Variants in PHGDH observed in about 807,000 individuals in gnomAD.
PHGDH encodes the protein phosphoglycerate dehydrogenase.
In PHGDH, 50 loss-of-function variants were observed where a neutral mutation model predicts 52.6. The observed-to-expected ratio is 0.95, with a 90% CI of 0.76 to 1.20. The LOEUF (loss-of-function observed/expected upper bound fraction) is 1.20. Ranked by LOEUF, PHGDH falls within the 50% of genes most tolerant of loss-of-function variation. The probability of loss-of-function intolerance (pLI) is 0.00; values close to 1 mark genes in which losing one functional copy is unlikely to be tolerated. For missense variants in PHGDH, 630 were observed against 684.6 expected (o/e 0.92, Z 0.89); for synonymous variants, 271 against 280.5 (o/e 0.97, Z 0.34).
chr1:119,742,485 T>C (rs1280057547), intron 10 of PHGDH: 1 of 510,876 alleles, frequency 2.0e-6, no homozygotes, highest in Non-Finnish European at 3.6e-6. Context: ...GGAGGCTGTG[T>C]CAGAGCAGGA....
intron 9 of PHGDH, 109 bp from the exon 10 acceptor site, chr1:119,741,658 C>A (rs892450356): frequency 4.9e-6 from 5 of 1,026,342 alleles, no homozygotes; most frequent in Non-Finnish European, 4.6e-6. Flanking sequence ...TTTGGGGTCC[C>A]CAGGGCAGCG....
intron 4 of PHGDH, 30 bp from the exon 5 acceptor site, chr1:119,726,974 G>A: frequency 6.2e-7 from 1 of 1,607,958 alleles, no homozygotes. Context: ...GCTGACTTCA[G>A]CTTCTTTCCT....
Position 119,737,280 on chromosome 1 carries a change from C to T in PHGDH, c.945+14C>T, listed in dbSNP as rs1571013460. 1 of 1,608,632 alleles carries T rather than the reference C, an allele frequency of 6.2e-7. No individual in the cohort carries two copies. The highest frequency in any genetic ancestry group is 8.5e-7 in the Non-Finnish European group (1 of 1,175,400). On this transcript the variant is annotated intron_variant, in intron 8 of 11. Coordinates refer to ENST00000641023, the MANE Select transcript of PHGDH (RefSeq NM_006623.4). ...CTCACGGGGGTTGTAAGTATCACCA[C>T]CTGGGGCTGGGGGCCAGGAGTCAGA... is the stretch of plus-strand genomic sequence containing the variant.
At chr1:119,739,935 T>A (rs1238990219) in intron 8 of PHGDH, 1 of 200,398 alleles carries the variant, frequency 5.0e-6, no homozygotes, top group Non-Finnish European at 1.0e-5. Context: ...TTAGTAACAA[T>A]GTAAACACTT....
At chr1:119,739,177 A>T (rs1652077092) in intron 8 of PHGDH, among the ~76,000 whole-genome samples, 2 of 152,130 alleles carry the variant, frequency 1.3e-5, no homozygotes, top group Admixed American at 1.3e-4. Flanking sequence ...AAGACTGAGA[A>T]TCCTCCTTTT....
intron 1 of PHGDH, among the ~76,000 whole-genome samples, chr1:119,714,017 A>T (rs1553234520): frequency 1.3e-5 from 2 of 152,154 alleles, no homozygotes; most frequent in Non-Finnish European, 2.9e-5. Context: ...TCTTGGCAGG[A>T]GAGGAGGAGT....
chr1:119,740,281 C>T (rs1652136756), intron 8 of PHGDH, 105 bp from the exon 9 acceptor site: 3 of 1,192,414 alleles, frequency 2.5e-6, no homozygotes, highest in Non-Finnish European at 1.2e-6. Flanking sequence ...GCAGGAGTGA[C>T]CCTATACTGT....
chr1:119,734,792 T>A (rs587652417), intron 6 of PHGDH, 26 bp downstream of exon 6: 1 of 1,613,390 alleles, frequency 6.2e-7, no homozygotes, highest in South Asian at 1.1e-5. Context: ...CATTGTGGAT[T>A]GGTCACAGAA....
rs746322948 is a variant in PHGDH at position 119,734,755 on chromosome 1, C to T, written c.632C>T (p.Pro211Leu). ...DFITVHTPLL[P>L]STTGLLNDNT... ...ATCACTGTGCACACTCCTCTCCTGC[C>T]CTCCACGACAGGTAGGTGTGTCCTT... The change falls in exon 6 of 12, where the codon CCC (proline) becomes CTC (leucine). Residue 211 changes from proline to leucine, a missense_variant. Physicochemically the swap from Pro to Leu is moderately conservative, Grantham distance 98. Coordinates refer to ENST00000641023, the MANE Select transcript of PHGDH (RefSeq NM_006623.4). The T allele has an allele frequency of 1.2e-6, 2 of 1,614,160 alleles. No individual in the cohort carries two copies. The highest frequency in any genetic ancestry group is 3.3e-5 in the Admixed American group (2 of 60,020).
intron 5 of PHGDH, chr1:119,727,500 G>A (rs763957202): frequency 4.5e-5 from 13 of 291,006 alleles, no homozygotes; most frequent in East Asian, 1.8e-4. Flanking sequence ...AGTACACCTC[G>A]GGAGAGAGAG....
At chr1:119,726,644 C>T (rs1651432394) in intron 3 of PHGDH, 4 of 618,190 alleles carry the variant, frequency 6.5e-6, no homozygotes, top group Non-Finnish European at 1.2e-5. Flanking sequence ...ACAGAAATCC[C>T]AGGCTTTCTA....
At chr1:119,725,896 T>A (rs1651387253) in intron 3 of PHGDH, among the ~76,000 whole-genome samples, 3 of 152,230 alleles carry the variant, frequency 2.0e-5, no homozygotes, top group Admixed American at 1.3e-4. Context: ...GAGAACTGTT[T>A]AACCTCCAGT....
chr1:119,719,174 T>C (rs1651046876), intron 1 of PHGDH, among the ~76,000 whole-genome samples: 1 of 152,180 alleles, frequency 6.6e-6, no homozygotes, highest in South Asian at 2.1e-4. Flanking sequence ...GCCTCAGCAC[T>C]GGGGCAGTCA....
intron 5 of PHGDH, chr1:119,727,428 C>G: frequency 4.9e-6 from 2 of 407,062 alleles, no homozygotes. Flanking sequence ...AGACACGGTG[C>G]AGCATTGAGG....
Position 119,740,407 on chromosome 1 carries a change from A to G in PHGDH, c.967A>G (p.Ser323Gly), listed in dbSNP as rs1323192065. 1.2e-6 allele frequency: 2 copies of G among 1,614,118 alleles called. No individual in the cohort carries two copies. The highest frequency in any genetic ancestry group is 1.1e-5 in the South Asian group (1 of 91,030). Reference protein sequence around the residue: ...TGVVNAQALTSAFSPHTKPWI... With the variant: ...TGVVNAQALTGAFSPHTKPWI... Reference sequence around the variant, plus strand: ...GCAGGTGAATGCCCAGGCCCTTACCAGTGCCTTCTCTCCACACACCAAGCC... The same window carrying G: ...GCAGGTGAATGCCCAGGCCCTTACCGGTGCCTTCTCTCCACACACCAAGCC... The change falls in exon 9 of 12, where the codon AGT (serine) becomes GGT (glycine). Residue 323 changes from serine (S) to glycine (G), a missense_variant. By Grantham distance (56) the Ser-to-Gly change is moderately conservative (BLOSUM62 0). Transcript: ENST00000641023.
rs1335512069 is a variant in PHGDH, at chr1:119,743,911, G to T, written c.1473G>T (p.Arg491=). 6.2e-7 allele frequency: 1 copy of T among 1,613,964 alleles called. No individual in the cohort carries two copies. The highest frequency in any genetic ancestry group is 1.3e-5 in the African/African-American group (1 of 75,052). Residue 491 remains arginine (R), a synonymous_variant, in exon 12 of 12, where the codon CGG becomes CGT. Coordinates refer to ENST00000641023, the MANE Select transcript of PHGDH (RefSeq NM_006623.4). ...GCCTCCTGGCAGAGGCAGGCGTGCGGCTGCTGTCCTACCAGACTTCACTGG... is the reference window on the plus strand; with the variant it reads ...GCCTCCTGGCAGAGGCAGGCGTGCGTCTGCTGTCCTACCAGACTTCACTGG... ...MIGLLAEAGV[R]LLSYQTSLVS...
At chr1:119,738,550 C>T (rs1022817800) in intron 8 of PHGDH, among the ~76,000 whole-genome samples, 7 of 152,218 alleles carry the variant, frequency 4.6e-5, no homozygotes, top group African/African-American at 9.7e-5. Flanking sequence ...TGAGCAGGTT[C>T]GTTCCTCCCA....
Position 119,743,960 on chromosome 1 carries a change from G to C in PHGDH, c.1522G>C (p.Val508Leu), listed in dbSNP as rs199933895. ...SLVSDGETWH[V>L]MGISSLLPSL... ...GGTGTCAGATGGGGAGACCTGGCAC[G>C]TCATGGGCATCTCCTCCTTGCTGCC... The change falls in exon 12 of 12, where the codon GTC (valine) becomes CTC (leucine). Residue 508 changes from valine (V) to leucine (L), a missense_variant. Physicochemically the swap from Val to Leu is conservative, Grantham distance 32 (BLOSUM62 1). Coordinates refer to ENST00000641023, the MANE Select transcript of PHGDH (RefSeq NM_006623.4). The C allele has an allele frequency of 5.6e-6, 9 of 1,613,802 alleles. No individual in the cohort carries two copies. Among genetic ancestry groups the C allele is most frequent in the Admixed American group, 3.3e-5 (2 of 60,000 alleles).
At chr1:119,718,527 C>T (rs1651023274) in intron 1 of PHGDH, among the ~76,000 whole-genome samples, 1 of 152,230 alleles carries the variant, frequency 6.6e-6, no homozygotes, top group Non-Finnish European at 1.5e-5. Context: ...TCTACCAACT[C>T]TTCTTCAGTT....
Sources: allele counts gnomAD v4.1 joint callset (sites outside exome capture counted in the v4.1 genomes callset), GRCh38; gene constraint gnomAD v4.1.1; transcripts MANE v1.5; gene names NCBI Gene and HGNC (gene_info 2026-07-23, HGNC 2026-07-21).